Variants in STK38 observed in about 807,000 individuals in gnomAD.
STK38 encodes serine/threonine-protein kinase 38.
A neutral mutation model predicts 59.0 loss-of-function variants in STK38; 26 were observed. That is an observed-to-expected ratio of 0.44 (90% CI 0.32 to 0.61). STK38 has a LOEUF of 0.61. STK38 is among the 20% of genes least tolerant of loss of function. STK38 has a pLI of 0.04. For missense variants in STK38, 433 were observed against 566.0 expected, an observed-to-expected ratio of 0.76 and a Z score of 2.38; for synonymous variants, 175 against 176.6, an observed-to-expected ratio of 0.99 and a Z score of 0.07.
chr6:36,508,882 A>G (rs1777033528), intron 7 of STK38, among the ~76,000 whole-genome samples: 2 of 152,192 alleles, frequency 1.3e-5, no homozygotes, highest in Non-Finnish European at 2.9e-5. Context: ...GCTGGATGAG[A>G]TGCACTGCAA....
chr6:36,496,845 A>ATTTT, intron 12 of STK38, 40 bp from the exon 13 acceptor site: 5 of 1,420,260 alleles, frequency 3.5e-6, no homozygotes, highest in Non-Finnish European at 5.0e-6. Context: ...TAAGTTAGTA[A>ATTTT]TCAAATGGAT....
At chr6:36,515,214 A>AT (rs1421108841) in intron 7 of STK38, 124 bp downstream of exon 7, 7 of 1,130,606 alleles carry the variant, frequency 6.2e-6, no homozygotes, top group Non-Finnish European at 8.6e-6. Flanking sequence ...TAAAAAAAAA[A>AT]GGAAAATCAT....
Position 36,495,401 on chromosome 6 carries a change from C to A in STK38, c.*383G>T. 5.7e-6 allele frequency: 1 copy of A among 176,706 alleles called. No homozygotes were observed. Among genetic ancestry groups the A allele is most frequent in the Non-Finnish European group, 1.2e-5 (1 of 82,784 alleles). The allele number at this position is 176,706 out of a possible 1,614,324, so 10.9% of individuals were successfully genotyped here. A position where few individuals can be genotyped will look rare whatever the true frequency, so the allele number is the denominator to read the frequency against. Reference sequence around the variant, plus strand: ...GGTGGGCTTGGCAGAGAGCGTGTCACAAAATTACAGGAACTGGCTGATATT... The same window carrying A: ...GGTGGGCTTGGCAGAGAGCGTGTCAAAAAATTACAGGAACTGGCTGATATT... On this transcript the variant is annotated 3_prime_UTR_variant, in exon 14 of 14. Coordinates refer to ENST00000229812, the MANE Select transcript of STK38 (RefSeq NM_007271.4).
chr6:36,497,342 A>AC, intron 12 of STK38, among the ~76,000 whole-genome samples: 1 of 152,130 alleles, frequency 6.6e-6, no homozygotes, highest in Non-Finnish European at 1.5e-5. Context: ...GTAGTCTACT[A>AC]CCCCCACCAT....
intron 10 of STK38, 71 bp downstream of exon 10, chr6:36,499,802 C>A: frequency 5.6e-6 from 7 of 1,239,004 alleles, no homozygotes; most frequent in Non-Finnish European, 8.3e-6. Context: ...CCAATTGAAA[C>A]AGAGGCTGGT....
At chr6:36,515,563 G>T in intron 6 of STK38, 71 bp from the exon 7 acceptor site, 1 of 1,564,450 alleles carries the variant, frequency 6.4e-7, no homozygotes, top group Non-Finnish European at 8.6e-7. Flanking sequence ...CACAACATAC[G>T]AGTGAGTACC....
In STK38 at chr6:36,540,153, T is replaced by C. The variant is rs760374299; in HGVS notation, c.50A>G (p.Lys17Arg). ...TPCSSMSNHT[K>R]ERVTMTKVTL... The stretch of plus-strand genomic sequence containing the variant: ...CACTTTGGTCATTGTCACCCTTTCC[T>C]TTGTGTGGTTACTCATGGATGAGCA... Residue 17 changes from lysine (K) to arginine (R), a missense_variant, in exon 2 of 14, where the codon AAG (lysine) becomes AGG (arginine). By Grantham distance (26) the Lys-to-Arg change is conservative. Coordinates refer to ENST00000229812, the MANE Select transcript of STK38 (RefSeq NM_007271.4). 2 of 1,614,108 alleles carry C rather than the reference T, an allele frequency of 1.2e-6. No individual in the cohort carries two copies. Among genetic ancestry groups the C allele is most frequent in the Non-Finnish European group, 1.7e-6 (2 of 1,179,974 alleles).
intron 10 of STK38, 55 bp downstream of exon 10, chr6:36,499,818 T>C: frequency 4.5e-6 from 6 of 1,345,346 alleles, no homozygotes; most frequent in South Asian, 1.2e-5. Context: ...CTGGTATCAA[T>C]GTAAAAGTCT....
intron 7 of STK38, among the ~76,000 whole-genome samples, chr6:36,514,371 G>A (rs907061434): frequency 5.4e-5 from 8 of 148,054 alleles, no homozygotes; most frequent in Non-Finnish European, 1.0e-4. Flanking sequence ...GTCACCAAAA[G>A]ACTTCAAAGA....
Position 36,495,872 on chromosome 6 carries a change from T to C in STK38, c.1310A>G (p.Asp437Gly). 1 of 1,614,036 alleles carries C rather than the reference T, an allele frequency of 6.2e-7. No homozygotes were observed. Among genetic ancestry groups the C allele is most frequent in the Non-Finnish European group, 8.5e-7 (1 of 1,179,986 alleles). Reference sequence around the variant, plus strand: ...GTACGTGTAATTGATGAAGACCCAGTCTTTGTTCTTGTAGTCAGTCTCAGG... The same window carrying C: ...GTACGTGTAATTGATGAAGACCCAGCCTTTGTTCTTGTAGTCAGTCTCAGG... ...NHPETDYKNK[D>G]WVFINYTYKR... The change falls in exon 14 of 14, where the codon GAC becomes GGC. Residue 437 changes from aspartate (D) to glycine (G), a missense_variant. Transcript: ENST00000229812.
At chr6:36,543,226 G>C (rs558033608) in intron 1 of STK38, among the ~76,000 whole-genome samples, 1 of 151,402 alleles carries the variant, frequency 6.6e-6, no homozygotes, top group Non-Finnish European at 1.5e-5. Flanking sequence ...CACCACGCCC[G>C]GCTAATTTTT....
rs181379577 is a variant in STK38, at chr6:36,506,553, A to G, written c.834+30T>C. 1.2e-3 allele frequency: 1,932 copies of G among 1,602,420 alleles called. 2 individuals carry two copies. The highest frequency in any genetic ancestry group is 1.6e-3 in the Non-Finnish European group (1,852 of 1,174,896). On this transcript the variant is annotated intron_variant, in intron 9 of 13. Transcript: ENST00000229812. ...TTGAACTTATTCATACTTGGTTTGT[A>G]GCATTTCAGAAGCCACAGATATTAC...
At chr6:36,512,369 G>A (rs1777131107) in intron 7 of STK38, among the ~76,000 whole-genome samples, 1 of 152,140 alleles carries the variant, frequency 6.6e-6, no homozygotes, top group Non-Finnish European at 1.5e-5. Context: ...ATGGTTGCTG[G>A]ATCTGAACAT....
chr6:36,515,215 G>A, intron 7 of STK38, 123 bp downstream of exon 7: 1 of 1,145,604 alleles, frequency 8.7e-7, no homozygotes, highest in African/African-American at 1.6e-5. Flanking sequence ...AAAAAAAAAA[G>A]GAAAATCATG....
intron 6 of STK38, among the ~76,000 whole-genome samples, chr6:36,517,323 A>G (rs1422353406): frequency 6.6e-6 from 1 of 152,176 alleles, no homozygotes; most frequent in African/African-American, 2.4e-5. Flanking sequence ...CTCCTTATTA[A>G]TATGTTATAC....
At chr6:36,523,515 C>T (rs1777434209) in intron 4 of STK38, among the ~76,000 whole-genome samples, 1 of 150,208 alleles carries the variant, frequency 6.7e-6, no homozygotes, top group African/African-American at 2.5e-5. Context: ...CCGCCTTGGC[C>T]TCCCAAAGTG....
intron 9 of STK38, 24 bp from the exon 10 acceptor site, chr6:36,500,014 C>A (rs659726): frequency 3.8e-6 from 6 of 1,590,314 alleles, no homozygotes; most frequent in Non-Finnish European, 5.2e-6. Context: ...CACACATCAG[C>A]GAGGCCCAGC....
intron 2 of STK38, among the ~76,000 whole-genome samples, chr6:36,535,576 T>C (rs1777769060): frequency 6.6e-6 from 1 of 152,050 alleles, no homozygotes; most frequent in African/African-American, 2.4e-5. Flanking sequence ...AGAGTCAATA[T>C]AATTCCAATA....
rs371863501 is a variant in STK38, at chr6:36,543,977, G to A, written c.-6+3213C>T. ...TAGTGCATTTTAAGAAAAGTTTTCA[G>A]GTTTTCCCCCTTAATATTTAGTAGC... On this transcript the variant is annotated intron_variant, in intron 1 of 13. Coordinates refer to ENST00000229812, the MANE Select transcript of STK38 (RefSeq NM_007271.4). Among the ~76,000 whole-genome samples the A allele has an allele frequency of 3.9e-5, 6 of 152,090 alleles. No individual in the cohort carries two copies. The East Asian group carries it at 9.6e-4, about 24-fold the overall frequency.
Sources: allele counts gnomAD v4.1 joint callset (sites outside exome capture counted in the v4.1 genomes callset), GRCh38; gene constraint gnomAD v4.1.1; transcripts MANE v1.5; gene names NCBI Gene and HGNC (gene_info 2026-07-23, HGNC 2026-07-21).